Variants in ADGRB3 observed in about 807,000 individuals in gnomAD.
The protein encoded by ADGRB3 is brain-specific angiogenesis inhibitor 3.
Under a neutral mutation model 193.4 loss-of-function variants are expected in ADGRB3, and 37 were observed. The observed-to-expected ratio is 0.19, with a 90% CI of 0.15 to 0.25. The LOEUF (loss-of-function observed/expected upper bound fraction) is 0.25, where lower values mean the gene tolerates loss of function less well. Ranked by LOEUF, ADGRB3 falls within the 10% of genes least tolerant of loss-of-function variation. The pLI, the probability that ADGRB3 is intolerant of heterozygous loss-of-function variation, is 1.00. For synonymous variants in ADGRB3, 690 were observed against 644.2 expected (o/e 1.07, Z -1.08); for missense variants, 1,637 against 1,852.9 (o/e 0.88, Z 2.14).
rs1582259563 is a variant in ADGRB3 at position 68,857,641 on chromosome 6, A to G, written c.758-72918A>G. On this transcript the variant is annotated intron_variant, in intron 3 of 31. Transcript: ENST00000370598. ...TTTTCTTTTTATTTTACAGACTCAT[A>G]GGCAGAAGGGACTTGTCTCAGATGA... Among the ~76,000 whole-genome samples the G allele has an allele frequency of 2.0e-5, 3 of 152,356 alleles. No homozygotes were observed. In the East Asian group the frequency reaches 5.8e-4, roughly 29 times the overall value.
chr6:68,710,540 C>T (rs1765392352), intron 3 of ADGRB3, among the ~76,000 whole-genome samples: 1 of 152,148 alleles, frequency 6.6e-6, no homozygotes. Context: ...TTTCCTACAT[C>T]TAAACTATTT....
chr6:68,901,336 A>G (rs1008867804), intron 3 of ADGRB3, among the ~76,000 whole-genome samples: 1 of 152,196 alleles, frequency 6.6e-6, no homozygotes, highest in South Asian at 2.1e-4. Context: ...ATAGTGCCTC[A>G]GAACATGATA....
At chr6:68,923,207 C>G (rs1352012783) in intron 3 of ADGRB3, among the ~76,000 whole-genome samples, 3 of 152,026 alleles carry the variant, frequency 2.0e-5, no homozygotes, top group African/African-American at 7.2e-5. Flanking sequence ...AATGGTAAAA[C>G]ATGACCAGAA....
At chr6:69,349,477 T>C (rs1272504242) in intron 26 of ADGRB3, among the ~76,000 whole-genome samples, 1 of 141,230 alleles carries the variant, frequency 7.1e-6, no homozygotes, top group Non-Finnish European at 1.6e-5. Flanking sequence ...GTTTATTGAC[T>C]TTGCTATCAG....
At chr6:68,759,602 A>G (rs1766357018) in intron 3 of ADGRB3, among the ~76,000 whole-genome samples, 1 of 152,112 alleles carries the variant, frequency 6.6e-6, no homozygotes, top group Admixed American at 6.6e-5. Flanking sequence ...GCCTGATTTT[A>G]TATAAAATTG....
intron 30 of ADGRB3, among the ~76,000 whole-genome samples, chr6:69,375,733 G>A (rs901456393): frequency 3.3e-5 from 5 of 152,008 alleles, no homozygotes; most frequent in African/African-American, 9.7e-5. Context: ...TCCATGCCAT[G>A]TTAAAAATAT....
intron 3 of ADGRB3, among the ~76,000 whole-genome samples, chr6:68,737,369 AG>A: frequency 6.6e-6 from 1 of 152,070 alleles, no homozygotes. Flanking sequence ...CACATGTTTA[AG>A]GGATGTGTAT....
intron 17 of ADGRB3, among the ~76,000 whole-genome samples, chr6:69,184,864 T>C (rs887642893): frequency 6.6e-6 from 1 of 152,150 alleles, no homozygotes; most frequent in Non-Finnish European, 1.5e-5. Flanking sequence ...TGCCGATTAC[T>C]TGAGCATTCA....
intron 3 of ADGRB3, among the ~76,000 whole-genome samples, chr6:68,772,572 T>C (rs1001199719): frequency 1.3e-5 from 2 of 151,936 alleles, no homozygotes; most frequent in African/African-American, 4.8e-5. Flanking sequence ...ATACCAGTAA[T>C]CAATTCTGAG....
intron 3 of ADGRB3, among the ~76,000 whole-genome samples, chr6:68,761,477 G>A (rs1272525456): frequency 3.3e-5 from 5 of 151,374 alleles, no homozygotes; most frequent in Admixed American, 6.6e-5. Context: ...GTATGTGTCA[G>A]TGTAGCACAG....
chr6:69,284,497 G>A (rs1767507009), intron 20 of ADGRB3, among the ~76,000 whole-genome samples: 1 of 152,052 alleles, frequency 6.6e-6, no homozygotes, highest in African/African-American at 2.4e-5. Flanking sequence ...AAGACTGTAA[G>A]CTTGGCCAAG....
chr6:69,040,366 T>TTTCTTTCTTTC (rs1771011894), intron 13 of ADGRB3, among the ~76,000 whole-genome samples: 1 of 54,618 alleles, frequency 1.8e-5, no homozygotes, highest in African/African-American at 5.3e-5. Context: ...TCTTTCTTTC[T>TTTCTTTCTTTC]TTCTTTCTTT....
intron 3 of ADGRB3, among the ~76,000 whole-genome samples, chr6:68,826,707 A>G (rs958643607): frequency 3.9e-5 from 6 of 152,338 alleles, no homozygotes; most frequent in African/African-American, 1.4e-4. Context: ...TTTCATCAGA[A>G]CAATAGCAGT....
At chr6:69,308,733 TCTAA>T (rs1271741701) in intron 20 of ADGRB3, among the ~76,000 whole-genome samples, 1 of 151,688 alleles carries the variant, frequency 6.6e-6, no homozygotes, top group Non-Finnish European at 1.5e-5. Flanking sequence ...CTAATTTCCT[TCTAA>T]CTGATTTTTT....
chr6:68,688,073 A>C (rs1765013853), intron 3 of ADGRB3, among the ~76,000 whole-genome samples: 1 of 152,188 alleles, frequency 6.6e-6, no homozygotes, highest in Admixed American at 6.5e-5. Context: ...CTGTCCAAAA[A>C]AATTAAGTCA....
intron 3 of ADGRB3, among the ~76,000 whole-genome samples, chr6:68,751,114 A>C (rs1174322766): frequency 6.6e-6 from 1 of 152,202 alleles, no homozygotes; most frequent in Non-Finnish European, 1.5e-5. Flanking sequence ...GAGAATAGCT[A>C]AGTCCAGGCT....
At chr6:68,748,784 C>T (rs781523877) in intron 3 of ADGRB3, among the ~76,000 whole-genome samples, 4 of 152,210 alleles carry the variant, frequency 2.6e-5, no homozygotes, top group Non-Finnish European at 5.9e-5. Context: ...TTCCACAATG[C>T]CCTAGCAGAG....
chr6:69,103,743 T>TTTGTGTAAAA (rs1354564591), intron 17 of ADGRB3, among the ~76,000 whole-genome samples: 3 of 150,966 alleles, frequency 2.0e-5, no homozygotes, highest in African/African-American at 7.3e-5. Context: ...TATATCCAAA[T>TTTGTGTAAAA]TTGTGTAAAA....
At chr6:68,947,410 A>C (rs191860542) in intron 6 of ADGRB3, among the ~76,000 whole-genome samples, 1,568 of 152,216 alleles carry the variant, frequency 0.01, 44 homozygotes, top group African/African-American at 0.036. Context: ...GAGGATAAAT[A>C]AATTTTCTTT....
Sources: gnomAD v4.1 joint callset for allele counts (sites outside exome capture counted in the v4.1 genomes callset) on GRCh38, gnomAD v4.1.1 for gene constraint, MANE v1.5 for transcripts, NCBI Gene and HGNC (gene_info 2026-07-23, HGNC 2026-07-21) for gene names.